Variants in UTS2 observed in about 807,000 individuals in gnomAD.
The protein encoded by UTS2 is urotensin 2, also known as urotensin-2.
Under a neutral mutation model 12.6 loss-of-function variants are expected in UTS2, and 10 were observed. That is an observed-to-expected ratio of 0.80 (90% CI 0.49 to 1.35). The LOEUF (loss-of-function observed/expected upper bound fraction) is 1.35, where lower values mean the gene tolerates loss of function less well. Among genes scored for constraint, UTS2 ranks in the 40% most tolerant of loss-of-function variants. The pLI, the probability that UTS2 is intolerant of heterozygous loss-of-function variation, is 0.00. For synonymous variants in UTS2, 52 were observed against 50.0 expected (o/e 1.04, Z -0.17); for missense variants, 142 against 143.2 (o/e 0.99, Z 0.04).
At chr1:7,866,183 G>A in the UTS2 span, among the ~76,000 whole-genome samples, 16 of 152,272 alleles carry the variant, frequency 1.1e-4, no homozygotes, top group South Asian at 2.5e-3. The surrounding 1 kb of genome is among the most constrained non-coding windows in gnomAD (Gnocchi z 4.5). Flanking sequence ...GCTGTGGCCC[G>A]GGGTCGCTCG....
the UTS2 span, among the ~76,000 whole-genome samples, chr1:7,877,688 C>T: frequency 1.3e-5 from 2 of 152,106 alleles, no homozygotes; most frequent in Admixed American, 6.5e-5. Context: ...GCCTGAGCAA[C>T]ATGGTGAAAC....
the UTS2 span, among the ~76,000 whole-genome samples, chr1:7,881,667 G>A: frequency 6.6e-6 from 1 of 152,122 alleles, no homozygotes; most frequent in Non-Finnish European, 1.5e-5. Context: ...TCATGTTCAT[G>A]GATCAGAAGA....
the UTS2 span, among the ~76,000 whole-genome samples, chr1:7,879,512 A>T: frequency 6.6e-6 from 1 of 152,130 alleles, no homozygotes; most frequent in African/African-American, 2.4e-5. Flanking sequence ...AGGCTGAGGC[A>T]GGTGGATCAC....
At chr1:7,906,477 A>AAGAAAGAAAGAAAGAAAG in the UTS2 span, among the ~76,000 whole-genome samples, 34 of 149,112 alleles carry the variant, frequency 2.3e-4, no homozygotes, top group African/African-American at 8.2e-4. Context: ...GAAAGAAAGA[A>AAGAAAGAAAGAAAGAAAG]AGAAAGAAAG....
the UTS2 span, among the ~76,000 whole-genome samples, chr1:7,898,572 T>G: frequency 6.6e-6 from 1 of 151,776 alleles, no homozygotes; most frequent in African/African-American, 2.4e-5. Flanking sequence ...GCCTCCCAGG[T>G]TCATGCCATT....
intron 1 of UTS2, among the ~76,000 whole-genome samples, chr1:7,851,977 TA>T (rs2097414625): frequency 6.6e-6 from 1 of 152,164 alleles, no homozygotes; most frequent in Non-Finnish European, 1.5e-5. Context: ...AGAGATTCAG[TA>T]AAGTTAATGC....
chr1:7,906,795 C>T, the UTS2 span, among the ~76,000 whole-genome samples: 5 of 152,202 alleles, frequency 3.3e-5, no homozygotes, highest in Non-Finnish European at 5.9e-5. Context: ...GTCCAGGATG[C>T]GAATTCAAAA....
At chr1:7,884,994 A>C in the UTS2 span, among the ~76,000 whole-genome samples, 2 of 140,128 alleles carry the variant, frequency 1.4e-5, no homozygotes, top group East Asian at 4.3e-4. Flanking sequence ...CCATCCATCC[A>C]CTCATCCATC....
chr1:7,906,491 G>GAAAGAA, the UTS2 span, among the ~76,000 whole-genome samples: 10 of 123,322 alleles, frequency 8.1e-5, no homozygotes, highest in African/African-American at 3.0e-4. Context: ...AAGAAAGAAA[G>GAAAGAA]AAAGAAAGAA....
upstream of UTS2, among the ~76,000 whole-genome samples, chr1:7,853,777 T>C (rs1187044952): frequency 1.3e-5 from 2 of 152,180 alleles, no homozygotes; most frequent in African/African-American, 2.4e-5. Context: ...CCCAAGCTGG[T>C]CCAAGCCCGG....
At chr1:7,862,944 C>T in the UTS2 span, among the ~76,000 whole-genome samples, 3 of 151,860 alleles carry the variant, frequency 2.0e-5, 1 homozygote, top group Non-Finnish European at 4.4e-5. Context: ...TAGGCGATAA[C>T]GTTTCCAATA....
chr1:7,863,067 TGTATTGTATTGTATTG>T, the UTS2 span, among the ~76,000 whole-genome samples: 1 of 97,352 alleles, frequency 1.0e-5, no homozygotes, highest in East Asian at 2.9e-4. Context: ...TGTATTGTAT[TGTATTGTATTGTATTG>T]TATTGTATTG....
At position 7,849,633 on chromosome 1, in the gene UTS2, C is replaced by A; in HGVS notation, c.258+7G>T. ...TTTAAACCTAACTCATAAATAGAGT[C>A]ACTTACCTTTCTCAAATTTCCTCTT... is the stretch of plus-strand genomic sequence containing the variant. On this transcript the variant is annotated splice_region_variant and intron_variant, in intron 3 of 3. Transcript: ENST00000361696. The A allele has an allele frequency of 6.2e-7, 1 of 1,607,556 alleles. No homozygotes were observed. Among genetic ancestry groups the A allele is most frequent in the East Asian group, 2.2e-5 (1 of 44,602 alleles).
the UTS2 span, among the ~76,000 whole-genome samples, chr1:7,886,196 A>C: frequency 9.1e-4 from 138 of 151,432 alleles, 2 homozygotes; most frequent in East Asian, 0.017. Flanking sequence ...GGGCCTCAAA[A>C]CCCCCGGCTG....
At chr1:7,884,005 G>T in the UTS2 span, among the ~76,000 whole-genome samples, 2 of 151,824 alleles carry the variant, frequency 1.3e-5, no homozygotes, top group African/African-American at 4.8e-5. Flanking sequence ...GTAGAGACGG[G>T]GTTTCTCCAT....
chr1:7,870,902 A>T, the UTS2 span, among the ~76,000 whole-genome samples: 1 of 152,226 alleles, frequency 6.6e-6, no homozygotes, highest in African/African-American at 2.4e-5. Context: ...GGTAACCATG[A>T]GGAGGTCTCA....
the UTS2 span, among the ~76,000 whole-genome samples, chr1:7,860,968 T>A: frequency 6.8e-6 from 1 of 147,636 alleles, no homozygotes. Context: ...CTTGAACCTG[T>A]GAGGCAGAAG....
the UTS2 span, among the ~76,000 whole-genome samples, chr1:7,871,954 T>A: frequency 3.9e-5 from 6 of 152,092 alleles, no homozygotes; most frequent in African/African-American, 1.4e-4. Context: ...AGCCTTTAAG[T>A]GTTCAACTGA....
rs556637044 is a variant in UTS2 at position 7,851,032 on chromosome 1, C to A, written c.104-110G>T. 52 of 1,009,848 alleles carry A rather than the reference C, an allele frequency of 5.1e-5. No individual in the cohort carries two copies. The South Asian group carries it at 6.9e-4, about 13-fold the overall frequency. The allele number at this position is 1,009,848 out of a possible 1,614,324, so 62.6% of individuals were successfully genotyped here. On this transcript the variant is annotated intron_variant, in intron 1 of 3. Coordinates refer to ENST00000361696, the MANE Select transcript of UTS2 (RefSeq NM_006786.4). ...GATAGGGAGATGAACACTAGAAAAA[C>A]TTCCAACGCTGAGTTCATGACGTGT... is the stretch of plus-strand genomic sequence containing the variant.
Sources: gnomAD v4.1 joint callset for allele counts (sites outside exome capture counted in the v4.1 genomes callset) on GRCh38, gnomAD v4.1.1 for gene constraint, Gnocchi (gnomAD v3.1) non-coding constraint, MANE v1.5 for transcripts, NCBI Gene and HGNC (gene_info 2026-07-23, HGNC 2026-07-21) for gene names.